DPYSL5: variants seen among roughly 807,000 people sequenced by gnomAD.
The protein encoded by DPYSL5 is dihydropyrimidinase like 5.
A neutral mutation model predicts 58.4 loss-of-function variants in DPYSL5; 9 were observed. The ratio of observed to expected loss-of-function variants is 0.15; its 90% CI spans 0.09 to 0.27. The LOEUF (loss-of-function observed/expected upper bound fraction) is 0.27, where lower values mean the gene tolerates loss of function less well. Among genes scored for constraint, DPYSL5 ranks in the 10% least tolerant of loss-of-function variants. The probability of loss-of-function intolerance (pLI) is 1.00; values close to 1 mark genes in which losing one functional copy is unlikely to be tolerated. For missense variants in DPYSL5, 499 were observed against 770.6 expected (o/e 0.65, Z 4.17); for synonymous variants, 293 against 301.9 (o/e 0.97, Z 0.31).
In DPYSL5 at chr2:26,898,704, T is replaced by G; in HGVS notation, c.205T>G (p.Phe69Val). ...TGGTGGCATCGACACCAGCACCCAC[T>G]TCCACCAGACCTTCATGAATGCCAC... Reference protein sequence around the residue: ...IPGGIDTSTHFHQTFMNATCV... With the variant: ...IPGGIDTSTHVHQTFMNATCV... Residue 69 changes from phenylalanine (F) to valine (V), a missense_variant, in exon 2 of 13, where the codon TTC (phenylalanine) becomes GTC (valine). Around this residue, in one of 3 missense-constraint regions of DPYSL5, gnomAD observed 404 missense variants for 647.6 expected, o/e 0.62. Transcript: ENST00000288699. This position sits in a 1 kb window ranked among gnomAD's most constrained non-coding sequence, Gnocchi z 6.1. The G allele has an allele frequency of 1.9e-6, 3 of 1,614,134 alleles. No individual in the cohort carries two copies. Among genetic ancestry groups the G allele is most frequent in the Non-Finnish European group, 2.5e-6 (3 of 1,179,966 alleles).
At chr2:26,914,319 T>A (rs1026637468) in intron 2 of DPYSL5, among the ~76,000 whole-genome samples, 1 of 152,244 alleles carries the variant, frequency 6.6e-6, no homozygotes, top group Non-Finnish European at 1.5e-5. Context: ...ATTCTCTCTG[T>A]GTCTAGTTTC....
chr2:26,918,688 A>G (rs1173568737), intron 2 of DPYSL5, among the ~76,000 whole-genome samples: 1 of 152,222 alleles, frequency 6.6e-6, no homozygotes, highest in Non-Finnish European at 1.5e-5. Flanking sequence ...TTCTTAGTGC[A>G]GTATTGTTCC....
Position 26,947,058 on chromosome 2 carries a change from G to A in DPYSL5, c.*63G>A, listed in dbSNP as rs976164278. 87 of 1,403,822 alleles carry A rather than the reference G, an allele frequency of 6.2e-5. No individual in the cohort carries two copies. Among genetic ancestry groups the A allele is most frequent in the Middle Eastern group, 5.6e-4 (3 of 5,352 alleles). 87.0% of individuals were successfully genotyped at this position (1,403,822 alleles called of 1,614,324 possible). ...GCCACCAGCCCGCAACTCTCCAGCC[G>A]AAGCTGCAGGGGCAGGAGAGGCTGG... is the stretch of plus-strand genomic sequence containing the variant. On this transcript the variant is annotated 3_prime_UTR_variant, in exon 13 of 13. Transcript: ENST00000288699. The surrounding 1 kb of genome is among the most constrained non-coding windows in gnomAD (Gnocchi z 4.2).
Position 26,944,881 on chromosome 2 carries a change from AGGCAGTGGGACTT to A in DPYSL5, c.1609+58_1609+70del. The A allele has an allele frequency of 1.9e-6, 3 of 1,551,102 alleles. No individual in the cohort carries two copies. The highest frequency in any genetic ancestry group is 2.6e-6 in the Non-Finnish European group (3 of 1,133,374). On this transcript the variant is annotated intron_variant, in intron 12 of 12. Transcript: ENST00000288699. The surrounding 1 kb of genome is among the most constrained non-coding windows in gnomAD (Gnocchi z 4.4). Reference sequence around the variant, plus strand: ...GGGGTCTGGGAGAAGTGGCCCACCTAGGCAGTGGGACTTACGCCTGCTTTTCTTTTGTGTCCTC... The same window carrying A: ...GGGGTCTGGGAGAAGTGGCCCACCTAACGCCTGCTTTTCTTTTGTGTCCTC...
At chr2:26,885,631 AC>A (rs1160858932) in intron 1 of DPYSL5, among the ~76,000 whole-genome samples, 1 of 152,188 alleles carries the variant, frequency 6.6e-6, no homozygotes, top group African/African-American at 2.4e-5. Flanking sequence ...GTGGCTGTGG[AC>A]AAGGACCCAG....
intron 2 of DPYSL5, among the ~76,000 whole-genome samples, chr2:26,904,807 T>A (rs1298647826): frequency 1.3e-5 from 2 of 151,970 alleles, no homozygotes; most frequent in African/African-American, 2.4e-5. Flanking sequence ...GTAGGCTGAG[T>A]GGGGAGGATC....
chr2:26,893,964 G>T (rs1406401235), intron 1 of DPYSL5, among the ~76,000 whole-genome samples: 1 of 151,540 alleles, frequency 6.6e-6, no homozygotes, highest in African/African-American at 2.4e-5. Context: ...AATATTTTCT[G>T]TTCAGATATC....
intron 5 of DPYSL5, among the ~76,000 whole-genome samples, chr2:26,931,201 GTGTATATATATATATATATA>G (rs1296918491): frequency 1.8e-4 from 10 of 54,548 alleles, no homozygotes; most frequent in African/African-American, 6.4e-4. Context: ...GTGTGTGTGT[GTGTATATATATATATATATA>G]TATATATATG....
intron 1 of DPYSL5, among the ~76,000 whole-genome samples, chr2:26,863,577 A>G (rs1301550652): frequency 6.6e-6 from 1 of 152,208 alleles, no homozygotes; most frequent in Non-Finnish European, 1.5e-5. Context: ...CATACCATAG[A>G]GTTCACCCAT....
intron 5 of DPYSL5, among the ~76,000 whole-genome samples, chr2:26,930,212 C>G (rs1664935678): frequency 7.5e-6 from 1 of 134,150 alleles, no homozygotes; most frequent in Admixed American, 8.6e-5. Flanking sequence ...AGAGGGTATG[C>G]CTGTGAGAAC....
chr2:26,881,820 G>C (rs1224551640), intron 1 of DPYSL5, among the ~76,000 whole-genome samples: 1 of 152,008 alleles, frequency 6.6e-6, no homozygotes, highest in Admixed American at 6.6e-5. Flanking sequence ...AGCCAGGCAC[G>C]GTGGCTCACA....
chr2:26,939,912 C>G, intron 8 of DPYSL5, 119 bp from the exon 9 acceptor site: 2 of 1,377,682 alleles, frequency 1.5e-6, no homozygotes, highest in Admixed American at 1.9e-5. Context: ...AGCGGCAGAG[C>G]TGAAATTGGA....
At position 26,898,709 on chromosome 2, in the gene DPYSL5, C is replaced by A; in HGVS notation, c.210C>A (p.His70Gln). 6.2e-7 allele frequency: 1 copy of A among 1,613,932 alleles called. No homozygotes were observed. Among genetic ancestry groups the A allele is most frequent in the South Asian group, 1.1e-5 (1 of 91,074 alleles). ...PGGIDTSTHF[H>Q]QTFMNATCVD... ...GCATCGACACCAGCACCCACTTCCA[C>A]CAGACCTTCATGAATGCCACGTGCG... is the stretch of plus-strand genomic sequence containing the variant. Residue 70 changes from histidine to glutamine, a missense_variant, in exon 2 of 13, where the codon CAC becomes CAA. Physicochemically the swap from His to Gln is conservative, Grantham distance 24. Around this residue, in one of 3 missense-constraint regions of DPYSL5, gnomAD observed 404 missense variants for 647.6 expected, o/e 0.62. Coordinates refer to ENST00000288699, the MANE Select transcript of DPYSL5 (RefSeq NM_020134.4). This position sits in a 1 kb window ranked among gnomAD's most constrained non-coding sequence, Gnocchi z 6.1.
chr2:26,904,288 G>A (rs1422805793), intron 2 of DPYSL5, among the ~76,000 whole-genome samples: 4 of 152,192 alleles, frequency 2.6e-5, no homozygotes, highest in Middle Eastern at 3.2e-3. Flanking sequence ...CAAGGATCCT[G>A]TTTGTCCGCT....
At chr2:26,926,136 C>G (rs1308723350) in intron 3 of DPYSL5, among the ~76,000 whole-genome samples, 2 of 152,232 alleles carry the variant, frequency 1.3e-5, no homozygotes, top group Admixed American at 1.3e-4. Context: ...AGATGATAAC[C>G]TAAAGCCTCA....
chr2:26,880,743 C>T (rs1312086040), intron 1 of DPYSL5, among the ~76,000 whole-genome samples: 2 of 152,236 alleles, frequency 1.3e-5, no homozygotes, highest in Non-Finnish European at 2.9e-5. Flanking sequence ...TCCCATCACT[C>T]ACAGCTCAGA....
At chr2:26,853,569 A>G (rs1665805657) in intron 1 of DPYSL5, among the ~76,000 whole-genome samples, 1 of 152,196 alleles carries the variant, frequency 6.6e-6, no homozygotes, top group South Asian at 2.1e-4. Context: ...GTTCTCCAGG[A>G]TAACTGGAGT....
intron 1 of DPYSL5, among the ~76,000 whole-genome samples, chr2:26,880,659 G>A (rs549178469): frequency 1.3e-5 from 2 of 152,274 alleles, no homozygotes; most frequent in South Asian, 4.2e-4. Flanking sequence ...GAGAACACCT[G>A]CTTTGCTCCT....
chr2:26,866,798 C>A (rs1666154007), intron 1 of DPYSL5, among the ~76,000 whole-genome samples: 1 of 145,908 alleles, frequency 6.9e-6, no homozygotes, highest in African/African-American at 2.6e-5. Flanking sequence ...GTGGCATGAT[C>A]TCGGCTCACT....
Sources: allele counts gnomAD v4.1 joint callset (sites outside exome capture counted in the v4.1 genomes callset), GRCh38; gene constraint gnomAD v4.1.1; regional missense constraint gnomAD v4.1.1; non-coding constraint Gnocchi (gnomAD v3.1); transcripts MANE v1.5; gene names NCBI Gene and HGNC (gene_info 2026-07-23, HGNC 2026-07-21).